The following GRIA4 variants were observed in gnomAD, a reference collection of about 807,000 sequenced individuals.
GRIA4 encodes glutamate ionotropic receptor AMPA type subunit 4.
Under a neutral mutation model 104.0 loss-of-function variants are expected in GRIA4, and 34 were observed. The observed-to-expected ratio is 0.33, with a 90% CI of 0.25 to 0.44. GRIA4 has a LOEUF of 0.44. GRIA4 is among the 20% of genes least tolerant of loss of function. The pLI is 1.00. For missense variants in GRIA4, 750 were observed against 1,096.5 expected (o/e 0.68, Z 4.46); for synonymous variants, 386 against 381.9 (o/e 1.01, Z -0.13).
chr11:105,967,894 G>T (rs1004293114), intron 14 of GRIA4, among the ~76,000 whole-genome samples: 12 of 151,966 alleles, frequency 7.9e-5, no homozygotes, highest in African/African-American at 2.9e-4. Flanking sequence ...TTTTCATTTT[G>T]TACCTTTTTC....
chr11:105,807,765 A>C (rs900657292), intron 4 of GRIA4, among the ~76,000 whole-genome samples: 1 of 151,494 alleles, frequency 6.6e-6, no homozygotes, highest in Non-Finnish European at 1.5e-5. Flanking sequence ...ATCTCTGTCC[A>C]TTATTATTCA....
intron 3 of GRIA4, among the ~76,000 whole-genome samples, chr11:105,675,079 C>A (rs771715549): frequency 6.6e-6 from 1 of 151,806 alleles, no homozygotes; most frequent in Non-Finnish European, 1.5e-5. Context: ...GGTTCATCTT[C>A]TTTTCAAAAT....
chr11:105,775,404 G>T (rs1941404462), intron 4 of GRIA4, among the ~76,000 whole-genome samples: 1 of 152,052 alleles, frequency 6.6e-6, no homozygotes, highest in Non-Finnish European at 1.5e-5. Flanking sequence ...GCATGCTAAA[G>T]ATACTATATA....
At position 105,745,360 on chromosome 11, in the gene GRIA4, G is replaced by T. The variant is rs182271753; in HGVS notation, c.248-7621G>T. Among the ~76,000 whole-genome samples, 10 of 152,284 alleles carry T rather than the reference G, an allele frequency of 6.6e-5. No homozygotes were observed. The East Asian group carries it at 1.9e-3, about 29-fold the overall frequency. On this transcript the variant is annotated intron_variant, in intron 3 of 16. Transcript: ENST00000282499. ...AGGAATATTATTACTCAAGGCAGCA[G>T]ACTTTCACAAAGCTAACAACTTGAG...
chr11:105,934,300 T>C (rs1338952330), intron 14 of GRIA4, among the ~76,000 whole-genome samples: 1 of 152,164 alleles, frequency 6.6e-6, no homozygotes, highest in Non-Finnish European at 1.5e-5. Context: ...ACTACCATCA[T>C]GTCAGTGATA....
chr11:105,919,488 T>C (rs995264502), intron 11 of GRIA4, among the ~76,000 whole-genome samples: 1 of 152,184 alleles, frequency 6.6e-6, no homozygotes, highest in Non-Finnish European at 1.5e-5. Flanking sequence ...TCATTTTTTA[T>C]AATAGTATAC....
At chr11:105,704,045 T>A (rs1953603276) in intron 3 of GRIA4, among the ~76,000 whole-genome samples, 1 of 152,052 alleles carries the variant, frequency 6.6e-6, no homozygotes. Context: ...TGTCTATAAA[T>A]ATACTGAATG....
At chr11:105,831,463 G>C (rs1237827549) in intron 4 of GRIA4, among the ~76,000 whole-genome samples, 1 of 152,128 alleles carries the variant, frequency 6.6e-6, no homozygotes, top group Non-Finnish European at 1.5e-5. Flanking sequence ...AAAGGACACT[G>C]TTGGGGGCTA....
intron 11 of GRIA4, among the ~76,000 whole-genome samples, chr11:105,922,682 G>T (rs1438107224): frequency 6.6e-6 from 1 of 152,004 alleles, no homozygotes; most frequent in South Asian, 2.1e-4. Context: ...AAAAAGAATT[G>T]TAAGATATAA....
At chr11:105,966,095 G>C (rs1161689325) in intron 14 of GRIA4, 1 of 1,398,020 alleles carries the variant, frequency 7.2e-7, no homozygotes, top group Admixed American at 1.7e-5. Context: ...CGGGTAAACA[G>C]TATGTAAAGT....
chr11:105,849,928 T>A (rs1162398409), intron 4 of GRIA4, among the ~76,000 whole-genome samples: 1 of 152,226 alleles, frequency 6.6e-6, no homozygotes, highest in Non-Finnish European at 1.5e-5. Context: ...TTCTGTGTTC[T>A]GTCACACTGC....
chr11:105,749,242 C>T (rs1939856790), intron 3 of GRIA4, among the ~76,000 whole-genome samples: 1 of 152,100 alleles, frequency 6.6e-6, no homozygotes, highest in Non-Finnish European at 1.5e-5. Context: ...GTTGAAGAGA[C>T]TAGTTTGGGT....
At chr11:105,639,755 A>G (rs546328176) in intron 3 of GRIA4, among the ~76,000 whole-genome samples, 174 of 152,112 alleles carry the variant, frequency 1.1e-3, no homozygotes, top group African/African-American at 3.8e-3. Flanking sequence ...AACACAGCTG[A>G]AATTATTGAT....
chr11:105,630,982 C>G (rs1408889821), intron 3 of GRIA4, among the ~76,000 whole-genome samples: 1 of 152,156 alleles, frequency 6.6e-6, no homozygotes, highest in Admixed American at 6.5e-5. Context: ...ACAGGGACAT[C>G]ACAGCTCTTT....
intron 3 of GRIA4, among the ~76,000 whole-genome samples, chr11:105,661,733 T>A (rs1309762483): frequency 6.6e-6 from 1 of 151,682 alleles, no homozygotes; most frequent in Admixed American, 6.6e-5. Flanking sequence ...AAATTCTTGG[T>A]ATTTGTCAAA....
intron 10 of GRIA4, chr11:105,913,628 A>T: frequency 7.9e-6 from 2 of 254,408 alleles, no homozygotes; most frequent in Non-Finnish European, 1.2e-5. Context: ...TTTACAGTAG[A>T]TCTTGGGAGA....
At chr11:105,844,827 C>T (rs672673) in intron 4 of GRIA4, among the ~76,000 whole-genome samples, 61,527 of 152,092 alleles carry the variant, frequency 0.4, 13,558 homozygotes, top group African/African-American at 0.59. Context: ...AACACACTTA[C>T]TATTCTGTGC....
intron 14 of GRIA4, among the ~76,000 whole-genome samples, chr11:105,939,276 AG>A (rs1171249489): frequency 1.3e-5 from 2 of 152,190 alleles, no homozygotes; most frequent in Non-Finnish European, 2.9e-5. Context: ...TCTATATTCA[AG>A]GGTTAGCCTT....
At chr11:105,721,888 T>C (rs535029699) in intron 3 of GRIA4, among the ~76,000 whole-genome samples, 25 of 152,228 alleles carry the variant, frequency 1.6e-4, no homozygotes, top group African/African-American at 5.8e-4. Context: ...GGCATTATCT[T>C]CCTGCACTCA....
Sources: gnomAD v4.1 joint callset for allele counts (sites outside exome capture counted in the v4.1 genomes callset) on GRCh38, gnomAD v4.1.1 for gene constraint, MANE v1.5 for transcripts, NCBI Gene and HGNC (gene_info 2026-07-23, HGNC 2026-07-21) for gene names.